WDFY4: variants seen among roughly 807,000 people sequenced by gnomAD.
WDFY4 encodes WD repeat- and FYVE domain-containing protein 4.
In WDFY4, 169 loss-of-function variants were observed where a neutral mutation model predicts 351.9. The observed-to-expected ratio is 0.48, with a 90% CI of 0.42 to 0.55. The LOEUF is 0.55. Ranked by LOEUF, WDFY4 falls within the 20% of genes least tolerant of loss-of-function variation. The pLI, the probability that WDFY4 is intolerant of heterozygous loss-of-function variation, is 0.00. For missense variants in WDFY4, 3,803 were observed against 3,935.6 expected, an observed-to-expected ratio of 0.97 and a Z score of 0.90; for synonymous variants, 1,622 against 1,574.6, an observed-to-expected ratio of 1.03 and a Z score of -0.71.
At chr10:48,831,824 C>T (rs143608176) in intron 38 of WDFY4, among the ~76,000 whole-genome samples, 1 of 152,176 alleles carries the variant, frequency 6.6e-6, no homozygotes, top group Admixed American at 6.5e-5. Context: ...ATGCTGTGTC[C>T]TCCCATGTTG....
Position 48,787,986 on chromosome 10 carries a change from C to CTTCTTCTT in WDFY4, c.3809-544_3809-543insTTCTTCTT, listed in dbSNP as rs2066541964. 1.8e-4 allele frequency among the ~76,000 whole-genome samples: 12 copies of CTTCTTCTT among 65,524 alleles called. 2 individuals carry two copies. Among genetic ancestry groups the CTTCTTCTT allele is most frequent in the Non-Finnish European group, 2.4e-4 (8 of 33,150 alleles). 43.0% of individuals were successfully genotyped at this position (65,524 alleles called of 152,430 possible). On this transcript the variant is annotated intron_variant, in intron 20 of 61. Transcript: ENST00000325239. ...TTCTTCTTCTTCTTCTTCTTCTTCTCCTTCTCCTTCTCCTTCTCCTTCTCC... is the reference window on the plus strand; with the variant it reads ...TTCTTCTTCTTCTTCTTCTTCTTCTCTTCTTCTTCTTCTCCTTCTCCTTCTCCTTCTCC...
At chr10:48,874,529 A>C (rs917443844) in intron 41 of WDFY4, among the ~76,000 whole-genome samples, 1 of 152,196 alleles carries the variant, frequency 6.6e-6, no homozygotes, top group Non-Finnish European at 1.5e-5. Context: ...CCTTTGTAAA[A>C]TCTAATGAAA....
chr10:48,869,160 T>G lies in WDFY4; in HGVS notation c.6741+1818T>G, dbSNP rs374369795. Among the ~76,000 whole-genome samples the G allele has an allele frequency of 3.9e-5, 6 of 152,252 alleles. No individual in the cohort carries two copies. The South Asian group carries it at 6.2e-4, about 16-fold the overall frequency. ...CCATAGATAATGGGATGTGGACCTT[T>G]GCCCTGCTTTTTTAAGGAGTAGTAT... On this transcript the variant is annotated intron_variant, in intron 40 of 61. Coordinates refer to ENST00000325239, the MANE Select transcript of WDFY4 (RefSeq NM_001394531.1).
chr10:48,830,017 C>G (rs2068134867), intron 37 of WDFY4, among the ~76,000 whole-genome samples: 1 of 152,118 alleles, frequency 6.6e-6, no homozygotes, highest in African/African-American at 2.4e-5. Flanking sequence ...CTGTCCATTC[C>G]CTTAGGGTGA....
chr10:48,923,358 T>C lies in WDFY4; in HGVS notation c.7587-18448T>C, dbSNP rs139313448. Among the ~76,000 whole-genome samples, 329 of 151,876 alleles carry C rather than the reference T, an allele frequency of 2.2e-3. 1 individual carries two copies. The highest frequency in any genetic ancestry group is 7.7e-3 in the African/African-American group (319 of 41,474). Reference sequence around the variant, plus strand: ...GAAATCTTCATTAAAAAGAGATGAATTGAGATCAAGGAAGTCTATGCACTC... The same window carrying C: ...GAAATCTTCATTAAAAAGAGATGAACTGAGATCAAGGAAGTCTATGCACTC... On this transcript the variant is annotated intron_variant, in intron 47 of 61. Coordinates refer to ENST00000325239, the MANE Select transcript of WDFY4 (RefSeq NM_001394531.1).
intron 24 of WDFY4, 126 bp downstream of exon 24, chr10:48,796,576 A>G: frequency 1.5e-6 from 2 of 1,335,002 alleles, no homozygotes; most frequent in Non-Finnish European, 2.0e-6. Flanking sequence ...GAGAGGGAAA[A>G]CCAAACGAGC....
rs559363564 is a variant in WDFY4, at chr10:48,894,924, A to G, written c.7317-2530A>G. Among the ~76,000 whole-genome samples the G allele has an allele frequency of 5.9e-5, 9 of 152,336 alleles. No individual in the cohort carries two copies. The South Asian group carries it at 1.7e-3, about 28-fold the overall frequency. On this transcript the variant is annotated intron_variant, in intron 44 of 61. Transcript: ENST00000325239. Reference sequence around the variant, plus strand: ...AGCTGAGATCCAGATAGAGACATTAATAATGGACAAAGGACCTCAGCCAGC... The same window carrying G: ...AGCTGAGATCCAGATAGAGACATTAGTAATGGACAAAGGACCTCAGCCAGC...
chr10:48,692,414 C>T (rs2063220293), intron 1 of WDFY4, among the ~76,000 whole-genome samples: 1 of 152,202 alleles, frequency 6.6e-6, no homozygotes, highest in African/African-American at 2.4e-5. Flanking sequence ...TGGAAGACTG[C>T]CTTTGTTCCA....
chr10:48,780,783 G>A (rs2066194205), intron 19 of WDFY4, among the ~76,000 whole-genome samples: 1 of 152,200 alleles, frequency 6.6e-6, no homozygotes, highest in African/African-American at 2.4e-5. Context: ...TTTCACACAA[G>A]TTCCAGGGAG....
At chr10:48,842,416 C>T (rs1009340946) in intron 39 of WDFY4, among the ~76,000 whole-genome samples, 1 of 152,100 alleles carries the variant, frequency 6.6e-6, no homozygotes, top group South Asian at 2.1e-4. Flanking sequence ...ACAGCAGTCG[C>T]CAGGTGTGTC....
At chr10:48,910,883 G>A (rs556303316) in intron 47 of WDFY4, 1 of 984,508 alleles carries the variant, frequency 1.0e-6, no homozygotes, top group African/African-American at 1.7e-5. Context: ...TGGGCACCAG[G>A]TGGGCTCTGT....
At position 48,727,543 on chromosome 10, in the gene WDFY4, C is replaced by A; in HGVS notation, c.855C>A (p.Ser285Arg). The A allele has an allele frequency of 6.4e-7, 1 of 1,551,804 alleles. No individual in the cohort carries two copies. The highest frequency in any genetic ancestry group is 1.4e-5 in the African/African-American group (1 of 73,150). Reference sequence around the variant, plus strand: ...ACACTCTCCCTGCCCCTGAAGTGAGCGAGGCTGTAAGCCTGATCTTGGGAT... The same window carrying A: ...ACACTCTCCCTGCCCCTGAAGTGAGAGAGGCTGTAAGCCTGATCTTGGGAT... Reference protein sequence around the residue: ...LTDTLPAPEVSEAVSLILGFV... With the variant: ...LTDTLPAPEVREAVSLILGFV... Residue 285 changes from serine (S) to arginine (R), a missense_variant, in exon 7 of 62, where the codon AGC becomes AGA. Coordinates refer to ENST00000325239, the MANE Select transcript of WDFY4 (RefSeq NM_001394531.1).
At chr10:48,701,787 A>G (rs942214485) in intron 1 of WDFY4, among the ~76,000 whole-genome samples, 2 of 152,162 alleles carry the variant, frequency 1.3e-5, no homozygotes, top group Admixed American at 6.5e-5. Flanking sequence ...GTGAAATACT[A>G]CTGTTTACCA....
At chr10:48,954,812 G>A (rs1185213523) in intron 51 of WDFY4, among the ~76,000 whole-genome samples, 1 of 152,088 alleles carries the variant, frequency 6.6e-6, no homozygotes, top group Non-Finnish European at 1.5e-5. Context: ...ATAGCAAATA[G>A]GAAAATCAGT....
At position 48,735,958 on chromosome 10, in the gene WDFY4, G is replaced by T; in HGVS notation, c.1766G>T (p.Ser589Ile). ...DDECYREASLSILEQLSAINA... is the reference protein window; with the variant it reads ...DDECYREASLIILEQLSAINA... The stretch of plus-strand genomic sequence containing the variant: ...GAGTGCTACCGGGAGGCCTCGCTCA[G>T]CATCTTGGAGCAGCTCTCAGCCATC... Residue 589 changes from serine (S) to isoleucine (I), a missense_variant, in exon 11 of 62, where the codon AGC becomes ATC. Coordinates refer to ENST00000325239, the MANE Select transcript of WDFY4 (RefSeq NM_001394531.1). 1 of 1,551,834 alleles carries T rather than the reference G, an allele frequency of 6.4e-7. No homozygotes were observed. The highest frequency in any genetic ancestry group is 1.2e-5 in the South Asian group (1 of 84,060).
chr10:48,823,337 G>T (rs2067891721), intron 35 of WDFY4: 1 of 1,277,686 alleles, frequency 7.8e-7, no homozygotes, highest in African/African-American at 1.5e-5. Flanking sequence ...TTATCAAGCT[G>T]GGATCTACCT....
At chr10:48,817,746 C>T (rs2067672170) in intron 32 of WDFY4, among the ~76,000 whole-genome samples, 1 of 152,232 alleles carries the variant, frequency 6.6e-6, no homozygotes, top group South Asian at 2.1e-4. Flanking sequence ...CTGCTGTGCA[C>T]CACATGGGGG....
intron 13 of WDFY4, among the ~76,000 whole-genome samples, chr10:48,763,338 C>T (rs1456647594): frequency 6.6e-6 from 1 of 152,262 alleles, no homozygotes; most frequent in African/African-American, 2.4e-5. Flanking sequence ...TGGATCTTTG[C>T]AGCTCTCACA....
rs572902828 is a variant in WDFY4 at position 48,775,892 on chromosome 10, G to A, written c.2863+86G>A. On this transcript the variant is annotated intron_variant, in intron 15 of 61. Transcript: ENST00000325239. Reference sequence around the variant, plus strand: ...GCTGAGGGATCCTTTACAACAGGTGGGAAAGCAAACAGGTTTAAACATGGT... The same window carrying A: ...GCTGAGGGATCCTTTACAACAGGTGAGAAAGCAAACAGGTTTAAACATGGT... The A allele has an allele frequency of 4.2e-5, 53 of 1,275,022 alleles. No homozygotes were observed. The African/African-American group carries it at 6.6e-4, about 16-fold the overall frequency. 79.0% of individuals were successfully genotyped at this position (1,275,022 alleles called of 1,614,324 possible). A position where few individuals can be genotyped will look rare whatever the true frequency, so the allele number is the denominator to read the frequency against.
Sources: gnomAD v4.1 joint callset for allele counts (sites outside exome capture counted in the v4.1 genomes callset) on GRCh38, gnomAD v4.1.1 for gene constraint, MANE v1.5 for transcripts, NCBI Gene and HGNC (gene_info 2026-07-23, HGNC 2026-07-21) for gene names.